KIAA1549: variants seen among roughly 807,000 people sequenced by gnomAD.
The protein encoded by KIAA1549 is UPF0606 protein KIAA1549.
A neutral mutation model predicts 156.4 loss-of-function variants in KIAA1549; 70 were observed. The observed-to-expected ratio is 0.45, with a 90% CI of 0.37 to 0.55. The LOEUF is 0.55. KIAA1549 is among the 20% of genes least tolerant of loss of function. The pLI is 0.00. For missense variants in KIAA1549, 2,428 were observed against 2,540.9 expected, an observed-to-expected ratio of 0.96 and a Z score of 0.96; for synonymous variants, 1,103 against 1,066.4, an observed-to-expected ratio of 1.03 and a Z score of -0.67.
intron 1 of KIAA1549, among the ~76,000 whole-genome samples, chr7:138,922,441 T>TA (rs1231095204): frequency 1.3e-5 from 2 of 151,794 alleles, no homozygotes; most frequent in African/African-American, 4.8e-5. Context: ...AGTATTTTTT[T>TA]AAAAGGCCAA....
chr7:138,903,870 C>CG, intron 7 of KIAA1549, 134 bp from the exon 8 acceptor site: 1 of 676,314 alleles, frequency 1.5e-6, no homozygotes, highest in Non-Finnish European at 2.2e-6. Context: ...CGCGCGCGCG[C>CG]ACATATGTAT....
chr7:138,868,235 A>C, intron 14 of KIAA1549, 107 bp from the exon 15 acceptor site: 1 of 1,078,384 alleles, frequency 9.3e-7, no homozygotes, highest in Non-Finnish European at 1.3e-6. Flanking sequence ...CTACCCCTGG[A>C]AACACCCCAT....
chr7:138,979,050 CTG>C (rs1455927936), intron 1 of KIAA1549, among the ~76,000 whole-genome samples: 3 of 152,220 alleles, frequency 2.0e-5, no homozygotes, highest in Non-Finnish European at 4.4e-5. Flanking sequence ...CTTCACTGCT[CTG>C]TGTTTCCAGC....
chr7:138,853,658 T>C (rs1431833611), intron 16 of KIAA1549, among the ~76,000 whole-genome samples: 1 of 152,174 alleles, frequency 6.6e-6, no homozygotes, highest in African/African-American at 2.4e-5. Flanking sequence ...CTCTCTCTGC[T>C]TCCATCCCCT....
intron 1 of KIAA1549, among the ~76,000 whole-genome samples, chr7:138,966,180 G>C (rs1449419267): frequency 6.6e-6 from 1 of 152,154 alleles, no homozygotes; most frequent in African/African-American, 2.4e-5. Flanking sequence ...ACCTTACGTG[G>C]AAACAGGGTC....
chr7:138,849,354 G>C (rs368995950), intron 17 of KIAA1549, among the ~76,000 whole-genome samples: 191 of 151,546 alleles, frequency 1.3e-3, no homozygotes, highest in African/African-American at 4.3e-3. Flanking sequence ...TGATTTTTCA[G>C]CCACTTTGCT....
rs758786076 is a variant in KIAA1549 at position 138,871,219 on chromosome 7, G to A, written c.4489C>T (p.Pro1497Ser). ...GCTGGGGAGGGGCGCTGGACGGGAG[G>A]TGCCGGGATCGGCTGCATGGCGATA... ...QLIAMQPIPA[P>S]PVQRPSPADR... Residue 1497 changes from proline (P) to serine (S), a missense_variant, in exon 13 of 20, where the codon CCT (proline) becomes TCT (serine). This residue lies in a region of KIAA1549 where 404 missense variants were observed against 417.0 expected (regional missense o/e 0.97). Transcript: ENST00000422774. The A allele has an allele frequency of 3.1e-6, 5 of 1,613,312 alleles. No homozygotes were observed. The Admixed American group carries it at 6.7e-5, about 22-fold the overall frequency.
chr7:138,968,859 C>CAAAAA (rs75576327), intron 1 of KIAA1549, among the ~76,000 whole-genome samples: 1 of 66,474 alleles, frequency 1.5e-5, no homozygotes, highest in African/African-American at 5.1e-5. Context: ...GACTCCGTCT[C>CAAAAA]AAAAAAAAAA....
chr7:138,861,138 C>T lies in KIAA1549; in HGVS notation c.5247+1G>A. 1 of 1,613,698 alleles carries T rather than the reference C, an allele frequency of 6.2e-7. No homozygotes were observed. Among genetic ancestry groups the T allele is most frequent in the African/African-American group, 1.3e-5 (1 of 75,066 alleles). The stretch of plus-strand genomic sequence containing the variant: ...GAGAATTCTAGAAGGCCAGTACTTA[C>T]ACTGCAGGGATTGTTGGCCGTCTGG... On this transcript the variant is annotated splice_donor_variant, in intron 16 of 19. Coordinates refer to ENST00000422774, the MANE Select transcript of KIAA1549 (RefSeq NM_001164665.2). LOFTEE classifies it high-confidence loss of function.
intron 1 of KIAA1549, among the ~76,000 whole-genome samples, chr7:138,951,152 G>A (rs904421115): frequency 1.3e-5 from 2 of 151,922 alleles, no homozygotes; most frequent in Admixed American, 1.3e-4. Flanking sequence ...TGCAACCTCC[G>A]CCTCTCCAGG....
At chr7:138,964,957 GTTTTT>G (rs144214106) in intron 1 of KIAA1549, among the ~76,000 whole-genome samples, 1 of 149,392 alleles carries the variant, frequency 6.7e-6, no homozygotes, top group African/African-American at 2.5e-5. Context: ...TTTTTTCTTT[GTTTTT>G]TTTTCTTTTT....
chr7:138,850,408 T>A (rs1049348782), intron 17 of KIAA1549, among the ~76,000 whole-genome samples: 2 of 152,244 alleles, frequency 1.3e-5, no homozygotes, highest in Non-Finnish European at 2.9e-5. Flanking sequence ...TGAGATGGTA[T>A]CTCATTGTAA....
chr7:138,911,930 G>T (rs1378602426), intron 3 of KIAA1549, among the ~76,000 whole-genome samples: 1 of 152,222 alleles, frequency 6.6e-6, no homozygotes, highest in African/African-American at 2.4e-5. Flanking sequence ...TAGATGGACT[G>T]TGGCTTTCTA....
chr7:138,878,885 T>C (rs1424140755), intron 12 of KIAA1549, among the ~76,000 whole-genome samples: 2 of 152,164 alleles, frequency 1.3e-5, no homozygotes, highest in African/African-American at 4.8e-5. Flanking sequence ...ATCTATTTAA[T>C]ACAACCTGTT....
chr7:138,965,581 G>A (rs1050923291), intron 1 of KIAA1549, among the ~76,000 whole-genome samples: 27 of 152,204 alleles, frequency 1.8e-4, no homozygotes, highest in Middle Eastern at 6.8e-3. Context: ...CCACAGCGTC[G>A]AATAAAATCA....
intron 10 of KIAA1549, among the ~76,000 whole-genome samples, chr7:138,883,985 A>G (rs1159091795): frequency 6.6e-6 from 1 of 152,142 alleles, no homozygotes; most frequent in African/African-American, 2.4e-5. Flanking sequence ...GCTGCTCACC[A>G]CAGAGCCCCA....
chr7:138,870,309 T>C (rs1348283148), intron 13 of KIAA1549, among the ~76,000 whole-genome samples: 6 of 151,704 alleles, frequency 4.0e-5, no homozygotes, highest in African/African-American at 9.7e-5. Flanking sequence ...CCTCAAGCAC[T>C]GTGTGGTGCA....
intron 6 of KIAA1549, 87 bp downstream of exon 6, chr7:138,906,831 TA>T: frequency 9.0e-7 from 1 of 1,115,432 alleles, no homozygotes; most frequent in Non-Finnish European, 1.2e-6. Flanking sequence ...TCAAGTCTTT[TA>T]AAAAACTAAA....
intron 5 of KIAA1549, among the ~76,000 whole-genome samples, chr7:138,907,944 G>C (rs1182956885): frequency 1.3e-5 from 2 of 152,120 alleles, no homozygotes; most frequent in African/African-American, 2.4e-5. Flanking sequence ...CTAGATGCTG[G>C]AAGGAGGGTG....
Sources: gnomAD v4.1 joint callset for allele counts (sites outside exome capture counted in the v4.1 genomes callset) on GRCh38, gnomAD v4.1.1 for gene constraint, gnomAD v4.1.1 regional missense constraint, MANE v1.5 for transcripts, NCBI Gene and HGNC (gene_info 2026-07-23, HGNC 2026-07-21) for gene names.